MICAL3: variants seen among roughly 807,000 people sequenced by gnomAD.
MICAL3 encodes microtubule associated monooxygenase, calponin and LIM domain containing 3, also known as [F-actin]-monooxygenase MICAL3.
Under a neutral mutation model 207.4 loss-of-function variants are expected in MICAL3, and 62 were observed. That is an observed-to-expected ratio of 0.30 (90% CI 0.24 to 0.37). MICAL3 has a LOEUF of 0.37. Among genes scored for constraint, MICAL3 ranks in the 10% least tolerant of loss-of-function variants. The pLI is 1.00. For missense variants in MICAL3, 2,368 were observed against 2,635.6 expected, an observed-to-expected ratio of 0.90 and a Z score of 2.22; for synonymous variants, 1,077 against 1,069.3, an observed-to-expected ratio of 1.01 and a Z score of -0.14.
intron 1 of MICAL3, among the ~76,000 whole-genome samples, chr22:17,978,707 C>T (rs9605471): frequency 0.27 from 40,776 of 151,398 alleles, 5,932 homozygotes; most frequent in African/African-American, 0.37. Context: ...TTAGTAGAGA[C>T]GGGGTTTCAC....
chr22:17,938,445 T>C (rs1446658192), intron 1 of MICAL3, among the ~76,000 whole-genome samples: 1 of 152,008 alleles, frequency 6.6e-6, no homozygotes, highest in Non-Finnish European at 1.5e-5. Context: ...GTAATACAGA[T>C]TTGGTAGGGG....
intron 19 of MICAL3, among the ~76,000 whole-genome samples, chr22:17,857,011 C>A (rs909567075): frequency 1.3e-5 from 2 of 152,178 alleles, no homozygotes; most frequent in African/African-American, 4.8e-5. Context: ...TCACTGTAAC[C>A]TGGTCTTTTT....
intron 1 of MICAL3, among the ~76,000 whole-genome samples, chr22:17,911,308 T>C (rs1463449357): frequency 6.8e-6 from 1 of 147,276 alleles, no homozygotes. Flanking sequence ...TGTGGGGGAG[T>C]AGAAAGGAGA....
intron 19 of MICAL3, chr22:17,862,564 C>G (rs1230802852): frequency 4.1e-6 from 4 of 985,156 alleles, no homozygotes; most frequent in Non-Finnish European, 4.8e-6. Context: ...CTGGCCACAC[C>G]TGAGCTTTTC....
chr22:17,804,443 T>C (rs2061969834), intron 29 of MICAL3, among the ~76,000 whole-genome samples: 1 of 152,202 alleles, frequency 6.6e-6, no homozygotes, highest in South Asian at 2.1e-4. Context: ...GGGGATCCTG[T>C]TTCGAGGCTT....
rs1931745368 is a variant in MICAL3, at chr22:17,906,699, G to A, written c.114C>T (p.His38=). ...GGTAGTCCTTTGGCTTTAGTTCCAG[G>A]TGGTCACAGAGCTCCTGGAAAGCCT... is the stretch of plus-strand genomic sequence containing the variant. ...TLKAFQELCD[H]LELKPKDYRS... The change falls in exon 2 of 32, where the codon CAC becomes CAT. Residue 38 remains histidine, a synonymous_variant. Transcript: ENST00000441493. 1 of 1,614,010 alleles carries A rather than the reference G, an allele frequency of 6.2e-7. No homozygotes were observed.
rs543445193 is a variant in MICAL3, at chr22:17,985,338, C to A, written c.-75+38943G>T. Among the ~76,000 whole-genome samples the A allele has an allele frequency of 7.2e-5, 11 of 152,208 alleles. No individual in the cohort carries two copies. In the East Asian group the frequency reaches 1.9e-3, roughly 27 times the overall value. On this transcript the variant is annotated intron_variant, in intron 1 of 31. Transcript: ENST00000441493. The stretch of plus-strand genomic sequence containing the variant: ...TTTCAGTATTCACCTTGACTTCCAA[C>A]ATGAACCGTGAACTCTGAGAACAGA...
intron 1 of MICAL3, among the ~76,000 whole-genome samples, chr22:17,948,189 C>T (rs1316215178): frequency 6.6e-6 from 1 of 152,230 alleles, no homozygotes; most frequent in Non-Finnish European, 1.5e-5. Context: ...CACTGCCTGC[C>T]CTGCTCCGGC....
chr22:17,815,143 G>A (rs1398175223), intron 27 of MICAL3: 1 of 152,348 alleles, frequency 6.6e-6, no homozygotes, highest in Non-Finnish European at 1.5e-5. Context: ...GGCCTTAGAG[G>A]CCGCCCTCTG....
At chr22:17,951,033 G>A (rs1934323773) in intron 1 of MICAL3, among the ~76,000 whole-genome samples, 1 of 152,222 alleles carries the variant, frequency 6.6e-6, no homozygotes, top group East Asian at 1.9e-4. Flanking sequence ...TCTTCCGGGA[G>A]AAGGGCCAAA....
At chr22:17,810,952 C>T (rs1203477962) in intron 27 of MICAL3, 139 bp from the exon 28 acceptor site, 2 of 659,644 alleles carry the variant, frequency 3.0e-6, no homozygotes, top group Middle Eastern at 3.7e-4. Flanking sequence ...AAGCTGTCCT[C>T]TGTAGAGTAG....
chr22:17,877,958 T>C (rs1929038817), intron 16 of MICAL3, among the ~76,000 whole-genome samples: 1 of 152,112 alleles, frequency 6.6e-6, no homozygotes, highest in Admixed American at 6.5e-5. Flanking sequence ...GTTGATGCCA[T>C]TCTCCTGCCT....
intron 19 of MICAL3, among the ~76,000 whole-genome samples, chr22:17,853,356 C>T (rs1925540273): frequency 6.6e-6 from 1 of 152,202 alleles, no homozygotes; most frequent in Non-Finnish European, 1.5e-5. Flanking sequence ...CTGCTTCCCC[C>T]AGCTTCTGTT....
At position 17,891,555 on chromosome 22, in the gene MICAL3, C is replaced by A; in HGVS notation, c.1624G>T (p.Asp542Tyr). 1.9e-6 allele frequency: 3 copies of A among 1,613,948 alleles called. No homozygotes were observed. The highest frequency in any genetic ancestry group is 2.5e-6 in the Non-Finnish European group (3 of 1,179,834). ...CCACTTTTCCAGGACATGGTGAGAT[C>A]TGTCACGTTTACCCCTGCATAGCCA... ...TDGYAGVNVT[D>Y]LTMSWKSGLA... is the part of the protein sequence containing the mutation. Residue 542 changes from aspartate to tyrosine, a missense_variant, in exon 12 of 32, where the codon GAT (aspartate) becomes TAT (tyrosine). By Grantham distance (160) the Asp-to-Tyr change is radical (BLOSUM62 -3). This residue lies in a region of MICAL3 where 51 missense variants were observed against 87.8 expected (regional missense o/e 0.58). Coordinates refer to ENST00000441493, the MANE Select transcript of MICAL3 (RefSeq NM_015241.3).
At chr22:17,866,663 T>TAGAATAGAAC (rs1927180471) in intron 17 of MICAL3, among the ~76,000 whole-genome samples, 1 of 150,280 alleles carries the variant, frequency 6.7e-6, no homozygotes, top group African/African-American at 2.5e-5. Context: ...TAGAATAGAA[T>TAGAATAGAAC]AGAATATAGA....
At chr22:17,924,419 G>A (rs1932867817) in intron 1 of MICAL3, among the ~76,000 whole-genome samples, 1 of 152,170 alleles carries the variant, frequency 6.6e-6, no homozygotes, top group South Asian at 2.1e-4. Context: ...AATGTACTCT[G>A]TTCAACTTAA....
intron 28 of MICAL3, 126 bp from the exon 29 acceptor site, chr22:17,809,063 C>A (rs1012186968): frequency 1.0e-5 from 8 of 784,304 alleles, no homozygotes; most frequent in African/African-American, 1.7e-5. Context: ...AGTCTGTGGG[C>A]GGTGCGCTCA....
chr22:17,974,656 A>G (rs540978624), intron 1 of MICAL3, among the ~76,000 whole-genome samples: 2 of 151,356 alleles, frequency 1.3e-5, no homozygotes, highest in Admixed American at 1.3e-4. Flanking sequence ...CCTGGTAGAC[A>G]GAGGTTGTAG....
chr22:17,993,873 C>G (rs1200721429), intron 1 of MICAL3, among the ~76,000 whole-genome samples: 3 of 152,002 alleles, frequency 2.0e-5, no homozygotes, highest in Non-Finnish European at 4.4e-5. Context: ...TGGAATATGC[C>G]CAAGTCAGTT....
Sources: allele counts gnomAD v4.1 joint callset (sites outside exome capture counted in the v4.1 genomes callset), GRCh38; gene constraint gnomAD v4.1.1; regional missense constraint gnomAD v4.1.1; transcripts MANE v1.5; gene names NCBI Gene and HGNC (gene_info 2026-07-23, HGNC 2026-07-21).